Variants in STAT3 observed in about 807,000 individuals in gnomAD.
STAT3 encodes signal transducer and activator of transcription 3.
STAT3 carries 7 observed loss-of-function variants against 114.3 expected under a neutral mutation model. The ratio of observed to expected loss-of-function variants is 0.06; its 90% CI spans 0.03 to 0.11. The LOEUF is 0.11. Among genes scored for constraint, STAT3 ranks in the 10% least tolerant of loss-of-function variants. STAT3 has a pLI of 1.00. For missense variants in STAT3, 364 were observed against 960.9 expected, an observed-to-expected ratio of 0.38 and a Z score of 8.21; for synonymous variants, 331 against 354.5, an observed-to-expected ratio of 0.93 and a Z score of 0.74.
At chr17:42,318,324 A>C (rs9909736) in intron 21 of STAT3, among the ~76,000 whole-genome samples, 37,234 of 151,670 alleles carry the variant, frequency 0.25, 5,183 homozygotes, top group African/African-American at 0.36. Context: ...ATGAGGTTTC[A>C]CCATGTTGGC....
At chr17:42,374,681 C>T (rs2084357799) in intron 1 of STAT3, among the ~76,000 whole-genome samples, 1 of 151,176 alleles carries the variant, frequency 6.6e-6, no homozygotes, top group South Asian at 2.1e-4. Flanking sequence ...AATCACTCAG[C>T]CAAAGAGAAC....
rs754306251 is a variant in STAT3 at position 42,314,851 on chromosome 17, C to CTTTTTTTTT, written c.*885_*893dup. 3.2e-3 allele frequency: 445 copies of CTTTTTTTTT among 140,450 alleles called. 9 individuals are homozygous for CTTTTTTTTT. Among genetic ancestry groups the CTTTTTTTTT allele is most frequent in the African/African-American group, 0.013 (424 of 32,732 alleles). The allele number at this position is 140,450 out of a possible 1,614,324, so 8.7% of individuals were successfully genotyped here. A position where few individuals can be genotyped will look rare whatever the true frequency, so the allele number is the denominator to read the frequency against. On this transcript the variant is annotated 3_prime_UTR_variant, in exon 24 of 24. Coordinates refer to ENST00000264657, the MANE Select transcript of STAT3 (RefSeq NM_139276.3). ...CCAAGGAGGCTGTTAACTGAAGTTT[C>CTTTTTTTTT]TTTTTTTTTTTTTTTTTTTTGAGAC...
At chr17:42,349,696 C>T (rs2082851714) in intron 1 of STAT3, among the ~76,000 whole-genome samples, 1 of 152,200 alleles carries the variant, frequency 6.6e-6, no homozygotes, top group South Asian at 2.1e-4. Context: ...CAGCTAATTA[C>T]CTGTAATCCT....
intron 4 of STAT3, among the ~76,000 whole-genome samples, chr17:42,343,541 G>A (rs1302999592): frequency 3.8e-5 from 5 of 132,570 alleles, no homozygotes; most frequent in Non-Finnish European, 7.7e-5. Context: ...TACAACCTCC[G>A]CCTCCCAGGT....
At chr17:42,367,911 G>A (rs2083896033) in intron 1 of STAT3, among the ~76,000 whole-genome samples, 1 of 152,222 alleles carries the variant, frequency 6.6e-6, no homozygotes, top group Non-Finnish European at 1.5e-5. Flanking sequence ...AAGTACCATA[G>A]GAGGTTAATT....
chr17:42,374,176 T>C (rs555681058), intron 1 of STAT3: 6 of 152,292 alleles, frequency 3.9e-5, no homozygotes, highest in African/African-American at 1.4e-4. Context: ...GAAATTATAA[T>C]CCCACAATGT....
At chr17:42,365,919 G>A (rs1271144637) in intron 1 of STAT3, among the ~76,000 whole-genome samples, 1 of 152,190 alleles carries the variant, frequency 6.6e-6, no homozygotes, top group Non-Finnish European at 1.5e-5. Context: ...CTCCCAAAGT[G>A]CTGGGATTAC....
intron 23 of STAT3, chr17:42,316,571 T>C (rs1567701692): frequency 7.6e-7 from 1 of 1,314,202 alleles, no homozygotes; most frequent in East Asian, 2.8e-5. Flanking sequence ...GTGGGTTAAA[T>C]AAAATATATT....
chr17:42,322,241 T>C lies in STAT3; in HGVS notation c.2101+41A>G, dbSNP rs763325925. 1.9e-6 allele frequency: 3 copies of C among 1,612,522 alleles called. No individual in the cohort carries two copies. In the Admixed American group the frequency reaches 5.0e-5, roughly 27 times the overall value. ...CCAAGGATCCCAAAATTTCCAACTT[T>C]TCCCAAAAATTAAATGCCAGGAACA... On this transcript the variant is annotated intron_variant, in intron 21 of 23. Coordinates refer to ENST00000264657, the MANE Select transcript of STAT3 (RefSeq NM_139276.3).
chr17:42,327,091 G>A (rs2081761295), intron 14 of STAT3, among the ~76,000 whole-genome samples: 1 of 152,096 alleles, frequency 6.6e-6, no homozygotes, highest in African/African-American at 2.4e-5. Context: ...TTGGTTATTT[G>A]TAAAATACGT....
intron 1 of STAT3, among the ~76,000 whole-genome samples, chr17:42,363,990 T>C (rs149367701): frequency 6.6e-6 from 1 of 152,290 alleles, no homozygotes; most frequent in Non-Finnish European, 1.5e-5. Flanking sequence ...TCTGAGGCTC[T>C]TTCCTATTGG....
At chr17:42,353,886 T>C (rs957526082) in intron 1 of STAT3, among the ~76,000 whole-genome samples, 2 of 152,140 alleles carry the variant, frequency 1.3e-5, no homozygotes, top group African/African-American at 4.8e-5. Context: ...AAATAGACTA[T>C]TTAATTATTT....
intron 18 of STAT3, 53 bp from the exon 19 acceptor site, chr17:42,323,407 C>G (rs1158135747): frequency 1.2e-6 from 2 of 1,601,548 alleles, no homozygotes; most frequent in East Asian, 2.2e-5. Flanking sequence ...CAGCCCTTCC[C>G]TTCCTAGGGG....
In STAT3 at chr17:42,373,133, C is replaced by T. The variant is rs570717612; in HGVS notation, c.-24+15146G>A. 5.3e-5 allele frequency among the ~76,000 whole-genome samples: 8 copies of T among 152,172 alleles called. No homozygotes were observed. The East Asian group carries it at 1.2e-3, about 22-fold the overall frequency. On this transcript the variant is annotated intron_variant, in intron 1 of 23. Transcript: ENST00000264657. ...TTGGGAGGCCAAGGCAGGCGGATCA[C>T]GAGGTCAAGAGATCGAGACATCCTG... is the stretch of plus-strand genomic sequence containing the variant.
chr17:42,341,295 C>G (rs183870755), intron 4 of STAT3, among the ~76,000 whole-genome samples: 1 of 152,284 alleles, frequency 6.6e-6, no homozygotes, highest in African/African-American at 2.4e-5. Context: ...CAATTGATAA[C>G]TTCAACTTTC....
intron 1 of STAT3, among the ~76,000 whole-genome samples, chr17:42,384,181 T>G (rs1305489484): frequency 1.3e-5 from 2 of 149,990 alleles, no homozygotes; most frequent in African/African-American, 4.9e-5. Flanking sequence ...CAGGCTGGAG[T>G]GCAGTGGTGC....
At chr17:42,316,255 A>G (rs1005756823) in intron 23 of STAT3, 1 of 361,048 alleles carries the variant, frequency 2.8e-6, no homozygotes, top group Non-Finnish European at 4.8e-6. Flanking sequence ...TGTTTATTTG[A>G]GATGGAGTCT....
At chr17:42,329,354 C>T (rs2144764159) in intron 14 of STAT3, 56 bp downstream of exon 14, 5 of 1,604,240 alleles carry the variant, frequency 3.1e-6, no homozygotes, top group Non-Finnish European at 4.3e-6. Context: ...GGATCTTTAC[C>T]CCTCTCTCCC....
intron 8 of STAT3, among the ~76,000 whole-genome samples, chr17:42,336,128 A>G (rs1044604578): frequency 6.6e-6 from 1 of 152,186 alleles, no homozygotes; most frequent in African/African-American, 2.4e-5. Flanking sequence ...TGAGGATATG[A>G]ATAGACAGGC....
Sources: allele counts gnomAD v4.1 joint callset (sites outside exome capture counted in the v4.1 genomes callset), GRCh38; gene constraint gnomAD v4.1.1; transcripts MANE v1.5; gene names NCBI Gene and HGNC (gene_info 2026-07-23, HGNC 2026-07-21).